The following SCIN variants were observed in gnomAD, a reference collection of about 807,000 sequenced individuals.
The protein encoded by SCIN is adseverin.
Under a neutral mutation model 91.8 loss-of-function variants are expected in SCIN, and 91 were observed. That is an observed-to-expected ratio of 0.99 (90% CI 0.84 to 1.18). The LOEUF is 1.18. Ranked by LOEUF, SCIN falls within the 50% of genes most tolerant of loss-of-function variation. The pLI, the probability that SCIN is intolerant of heterozygous loss-of-function variation, is 0.00. For synonymous variants in SCIN, 367 were observed against 312.6 expected, an observed-to-expected ratio of 1.17 and a Z score of -1.84; for missense variants, 1,087 against 863.9, an observed-to-expected ratio of 1.26 and a Z score of -3.24.
chr7:12,627,072 A>G (rs531246770), intron 8 of SCIN, among the ~76,000 whole-genome samples: 1 of 147,600 alleles, frequency 6.8e-6, no homozygotes, highest in South Asian at 2.2e-4. Context: ...CCTGGGTGAC[A>G]GAGTGAGAAA....
At position 12,579,167 on chromosome 7, in the gene SCIN, T is replaced by C. The variant is rs529037620; in HGVS notation, c.354+949T>C. Among the ~76,000 whole-genome samples, 6 of 152,184 alleles carry C rather than the reference T, an allele frequency of 3.9e-5. No individual in the cohort carries two copies. In the East Asian group the frequency reaches 7.7e-4, roughly 20 times the overall value. On this transcript the variant is annotated intron_variant, in intron 2 of 15. Transcript: ENST00000297029. ...CTACAATTCTGACTGTAATACTAAG[T>C]CCGCCTACTAAGATGGCGAGGTTTA...
intron 4 of SCIN, among the ~76,000 whole-genome samples, chr7:12,607,885 A>G (rs1263303314): frequency 6.6e-6 from 1 of 152,224 alleles, no homozygotes; most frequent in Non-Finnish European, 1.5e-5. Flanking sequence ...ATAGAATACA[A>G]AAAGCCCATG....
intron 4 of SCIN, among the ~76,000 whole-genome samples, chr7:12,607,225 G>C (rs1783096701): frequency 6.6e-6 from 1 of 152,148 alleles, no homozygotes; most frequent in Admixed American, 6.6e-5. Flanking sequence ...TAGACAAAAT[G>C]GCTTCTCCAG....
chr7:12,618,539 A>T (rs1342360542), intron 4 of SCIN, among the ~76,000 whole-genome samples: 1 of 152,188 alleles, frequency 6.6e-6, no homozygotes, highest in African/African-American at 2.4e-5. Context: ...AGAGAGCAGC[A>T]GAGTAAATGT....
intron 4 of SCIN, among the ~76,000 whole-genome samples, chr7:12,613,322 C>G (rs1403810868): frequency 6.6e-6 from 1 of 152,104 alleles, no homozygotes. Context: ...TTCAGTGATT[C>G]ATGATTTCTT....
At chr7:12,594,624 G>A (rs1217752007) in intron 3 of SCIN, among the ~76,000 whole-genome samples, 2 of 152,114 alleles carry the variant, frequency 1.3e-5, no homozygotes, top group Non-Finnish European at 2.9e-5. Context: ...TTGCGATTGC[G>A]GAGGAGACAC....
chr7:12,600,539 A>G (rs1031230665), intron 3 of SCIN, among the ~76,000 whole-genome samples: 14 of 152,232 alleles, frequency 9.2e-5, no homozygotes, highest in Admixed American at 6.5e-5. Context: ...CGTGTAGGAA[A>G]AAATATTCTG....
intron 3 of SCIN, among the ~76,000 whole-genome samples, chr7:12,587,900 C>T (rs1348880285): frequency 6.6e-6 from 1 of 152,166 alleles, no homozygotes; most frequent in Non-Finnish European, 1.5e-5. Context: ...TACACTCCAG[C>T]CCCTAAGACC....
At chr7:12,640,722 T>G (rs1365423434) in intron 11 of SCIN, among the ~76,000 whole-genome samples, 1 of 152,222 alleles carries the variant, frequency 6.6e-6, no homozygotes, top group Non-Finnish European at 1.5e-5. Context: ...TTCGCAATTT[T>G]CAATTACATT....
chr7:12,574,148 T>C (rs1782323189), intron 1 of SCIN, among the ~76,000 whole-genome samples: 2 of 152,180 alleles, frequency 1.3e-5, no homozygotes. Context: ...TCAGCCCAGA[T>C]GCTTTTCAAC....
At position 12,631,484 on chromosome 7, in the gene SCIN, G is replaced by A. The variant is rs534531318; in HGVS notation, c.1319+2262G>A. 2.2e-3 allele frequency among the ~76,000 whole-genome samples: 340 copies of A among 152,274 alleles called. 1 individual carries two copies. Among genetic ancestry groups the A allele is most frequent in the African/African-American group, 7.9e-3 (327 of 41,544 alleles). ...TTGAAACTTAATTTTCAGTGTGGAA[G>A]TATTGGGAGATGGGGCATTTAAGAG... On this transcript the variant is annotated intron_variant, in intron 9 of 15. Coordinates refer to ENST00000297029, the MANE Select transcript of SCIN (RefSeq NM_001112706.3).
intron 3 of SCIN, among the ~76,000 whole-genome samples, chr7:12,584,810 C>T (rs1433556798): frequency 6.6e-6 from 1 of 152,142 alleles, no homozygotes; most frequent in Non-Finnish European, 1.5e-5. Flanking sequence ...AGTAAAATTA[C>T]ATCTGAAAAT....
At chr7:12,578,288 T>A in intron 2 of SCIN, 70 bp downstream of exon 2, 1 of 1,377,682 alleles carries the variant, frequency 7.3e-7, no homozygotes, top group Middle Eastern at 2.5e-4. Context: ...CCTGTCTTCA[T>A]AGAATGACAG....
chr7:12,589,651 G>A (rs749721249), intron 3 of SCIN: 3 of 152,216 alleles, frequency 2.0e-5, no homozygotes, highest in East Asian at 1.9e-4. Flanking sequence ...TCTAAACCTC[G>A]ATGGTTTTGA....
rs193114845 is a variant in SCIN at position 12,660,036 on chromosome 7, C to A, written c.*7321C>A. ...GAATGTACTTTGTGAGATCCACCCC[C>A]TGCCAGCAAAACATTGCTCCTGACT... On this transcript the variant is annotated 3_prime_UTR_variant, in exon 16 of 16. Transcript: ENST00000297029. 6.6e-6 allele frequency: 1 copy of A among 152,426 alleles called. No homozygotes were observed. The highest frequency in any genetic ancestry group is 1.5e-5 in the Non-Finnish European group (1 of 68,144). 9.4% of individuals were successfully genotyped at this position (152,426 alleles called of 1,614,324 possible).
At chr7:12,596,634 C>G (rs1212631020) in intron 3 of SCIN, among the ~76,000 whole-genome samples, 1 of 151,994 alleles carries the variant, frequency 6.6e-6, no homozygotes, top group Non-Finnish European at 1.5e-5. Flanking sequence ...GCAGTTGAGT[C>G]ACCAACTTAG....
rs1330458827 is a variant in SCIN at position 12,657,855 on chromosome 7, C to G, written c.*5140C>G. On this transcript the variant is annotated 3_prime_UTR_variant, in exon 16 of 16. Coordinates refer to ENST00000297029, the MANE Select transcript of SCIN (RefSeq NM_001112706.3). Reference sequence around the variant, plus strand: ...CTCCATTTCTTCGGAATGATAATTTCTAATATACTTTTCTTCTATTATAGG... The same window carrying G: ...CTCCATTTCTTCGGAATGATAATTTGTAATATACTTTTCTTCTATTATAGG... 1 of 151,744 alleles carries G rather than the reference C, an allele frequency of 6.6e-6. No individual in the cohort carries two copies. Among genetic ancestry groups the G allele is most frequent in the Non-Finnish European group, 1.5e-5 (1 of 67,938 alleles). The allele number at this position is 151,744 out of a possible 1,614,324, so 9.4% of individuals were successfully genotyped here.
chr7:12,590,357 G>A (rs186068499), intron 3 of SCIN, among the ~76,000 whole-genome samples: 2 of 152,180 alleles, frequency 1.3e-5, no homozygotes, highest in Non-Finnish European at 2.9e-5. Flanking sequence ...AGAGTGGAGG[G>A]CCCCTTGGGA....
At chr7:12,634,722 T>C (rs1462079691) in intron 9 of SCIN, among the ~76,000 whole-genome samples, 1 of 152,186 alleles carries the variant, frequency 6.6e-6, no homozygotes, top group Non-Finnish European at 1.5e-5. Flanking sequence ...CTGTCTTCTC[T>C]ACAAGCTCAT....
Sources: gnomAD v4.1 joint callset for allele counts (sites outside exome capture counted in the v4.1 genomes callset) on GRCh38, gnomAD v4.1.1 for gene constraint, MANE v1.5 for transcripts, NCBI Gene and HGNC (gene_info 2026-07-23, HGNC 2026-07-21) for gene names.